Variants in CFAP20DC observed in about 807,000 individuals in gnomAD.
The protein encoded by CFAP20DC is CFAP20 domain containing, also known as protein CFAP20DC.
CFAP20DC carries 84 observed loss-of-function variants against 101.7 expected under a neutral mutation model. That is an observed-to-expected ratio of 0.83 (90% CI 0.69 to 0.99). The LOEUF (loss-of-function observed/expected upper bound fraction) is 0.99. Among genes scored for constraint, CFAP20DC ranks in the 50% least tolerant of loss-of-function variants. CFAP20DC has a pLI of 0.00. For synonymous variants in CFAP20DC, 359 were observed against 351.2 expected (o/e 1.02, Z -0.25); for missense variants, 1,007 against 970.3 (o/e 1.04, Z -0.50).
intron 15 of CFAP20DC, among the ~76,000 whole-genome samples, chr3:58,771,570 T>C (rs1480764769): frequency 6.6e-6 from 1 of 152,108 alleles, no homozygotes; most frequent in Non-Finnish European, 1.5e-5. Flanking sequence ...TAAAGACCAT[T>C]GGGAAACAGT....
At chr3:59,003,491 C>T (rs2093361728) in intron 4 of CFAP20DC, among the ~76,000 whole-genome samples, 1 of 152,142 alleles carries the variant, frequency 6.6e-6, no homozygotes, top group African/African-American at 2.4e-5. Flanking sequence ...CCTTTCTAAA[C>T]CCAAAGTCAG....
chr3:58,936,711 G>A (rs1284439430), intron 5 of CFAP20DC, among the ~76,000 whole-genome samples: 1 of 152,148 alleles, frequency 6.6e-6, no homozygotes, highest in Non-Finnish European at 1.5e-5. Context: ...CCGCACAGGT[G>A]GGAATTGAAC....
chr3:58,762,790 C>A (rs1449372053), intron 15 of CFAP20DC, among the ~76,000 whole-genome samples: 3 of 152,178 alleles, frequency 2.0e-5, no homozygotes. Context: ...TTCTCCTTCA[C>A]TTATGAAGCT....
intron 12 of CFAP20DC, among the ~76,000 whole-genome samples, chr3:58,855,952 A>T (rs111889644): frequency 0.18 from 27,091 of 150,582 alleles, 4,288 homozygotes; most frequent in African/African-American, 0.42. Context: ...AACCTGCACA[A>T]TGTGCACATG....
intron 12 of CFAP20DC, among the ~76,000 whole-genome samples, chr3:58,850,741 C>T (rs999681718): frequency 9.2e-5 from 14 of 152,252 alleles, no homozygotes; most frequent in Middle Eastern, 3.4e-3. Flanking sequence ...TCTGACAATG[C>T]GTATCTTGAC....
intron 4 of CFAP20DC, among the ~76,000 whole-genome samples, chr3:59,024,311 T>C (rs1217406304): frequency 6.6e-6 from 1 of 152,176 alleles, no homozygotes; most frequent in Non-Finnish European, 1.5e-5. Context: ...TGAAATCTAC[T>C]GATGTCTATT....
chr3:58,814,112 T>C (rs979777452), intron 14 of CFAP20DC, among the ~76,000 whole-genome samples: 2 of 151,862 alleles, frequency 1.3e-5, no homozygotes, highest in East Asian at 1.9e-4. Context: ...CCTCTGCCTA[T>C]TTATTTTTAG....
chr3:58,815,933 A>T (rs1349582836), intron 14 of CFAP20DC, among the ~76,000 whole-genome samples: 2 of 150,568 alleles, frequency 1.3e-5, no homozygotes, highest in Non-Finnish European at 2.9e-5. Flanking sequence ...TAGTTCAACC[A>T]TTGTGGAAGT....
chr3:58,968,899 G>T (rs1316481624), intron 4 of CFAP20DC, among the ~76,000 whole-genome samples: 1 of 152,128 alleles, frequency 6.6e-6, no homozygotes. Flanking sequence ...GTGTAAGGAA[G>T]GGGTTCAGCT....
Position 58,863,605 on chromosome 3 carries a change from C to A in CFAP20DC, c.1546G>T (p.Asp516Tyr), listed in dbSNP as rs2079433294. 1.9e-6 allele frequency: 3 copies of A among 1,614,054 alleles called. No individual in the cohort carries two copies. In the African/African-American group the frequency reaches 4.0e-5, roughly 22 times the overall value. ...LKEDNSVTSR[D>Y]TQSEDDFYGG... ...TAAAAATCATCCTCTGATTGGGTGT[C>A]TCTGCTTGTCACACTGTTATCCTCT... Residue 516 changes from aspartate (D) to tyrosine (Y), a missense_variant, in exon 12 of 17, where the codon GAC becomes TAC. Transcript: ENST00000482387. This position sits in a 1 kb window ranked among gnomAD's most constrained non-coding sequence, Gnocchi z 5.9.
At chr3:58,832,461 A>C (rs2076463799) in intron 13 of CFAP20DC, among the ~76,000 whole-genome samples, 1 of 152,138 alleles carries the variant, frequency 6.6e-6, no homozygotes, top group Non-Finnish European at 1.5e-5. Flanking sequence ...AAAAACTCAA[A>C]GTAGTTTTTT....
At chr3:59,019,366 A>ACGAGTTCTGG (rs1313929967) in intron 4 of CFAP20DC, among the ~76,000 whole-genome samples, 1 of 151,942 alleles carries the variant, frequency 6.6e-6, no homozygotes, top group East Asian at 1.9e-4. Flanking sequence ...CAGGTGACGC[A>ACGAGTTCTGG]CGAGTTCTGG....
At chr3:58,975,416 G>A (rs2092219005) in intron 4 of CFAP20DC, among the ~76,000 whole-genome samples, 1 of 151,908 alleles carries the variant, frequency 6.6e-6, no homozygotes, top group Admixed American at 6.6e-5. Context: ...AATAAATGTT[G>A]GCCAAATTAT....
chr3:58,908,510 G>A (rs986263829), intron 6 of CFAP20DC, among the ~76,000 whole-genome samples: 14 of 152,178 alleles, frequency 9.2e-5, no homozygotes, highest in Non-Finnish European at 1.8e-4. Flanking sequence ...CCAAATGCCG[G>A]TGAGAATGTG....
At chr3:58,766,989 A>C (rs1170385836) in intron 15 of CFAP20DC, among the ~76,000 whole-genome samples, 1 of 152,152 alleles carries the variant, frequency 6.6e-6, no homozygotes, top group Non-Finnish European at 1.5e-5. Flanking sequence ...TCTCGTTAAG[A>C]GCTCTCGTCT....
Position 58,832,701 on chromosome 3 carries a change from G to T in CFAP20DC, c.1972-812C>A, listed in dbSNP as rs765909482. Among the ~76,000 whole-genome samples, 118 of 152,152 alleles carry T rather than the reference G, an allele frequency of 7.8e-4. 1 individual carries two copies. Among genetic ancestry groups the T allele is most frequent in the Non-Finnish European group, 1.3e-4 (9 of 67,992 alleles). ...GATTTACTGTATATGTCATCTGTCA[G>T]GTACTTTTTGAAAAAGAATACTACT... On this transcript the variant is annotated intron_variant, in intron 13 of 16. Transcript: ENST00000482387.
intron 4 of CFAP20DC, among the ~76,000 whole-genome samples, chr3:59,000,449 T>C (rs142933972): frequency 1.3e-5 from 2 of 152,296 alleles, no homozygotes; most frequent in East Asian, 1.9e-4. Flanking sequence ...ACAGTAATGC[T>C]TGTGTTAATT....
intron 3 of CFAP20DC, among the ~76,000 whole-genome samples, chr3:59,043,135 G>T (rs1699542798): frequency 6.6e-6 from 1 of 152,122 alleles, no homozygotes; most frequent in Non-Finnish European, 1.5e-5. Context: ...GGAAATGTAA[G>T]CTAGAGTAAG....
At chr3:58,849,620 C>T (rs1372906974) in intron 12 of CFAP20DC, among the ~76,000 whole-genome samples, 6 of 152,052 alleles carry the variant, frequency 3.9e-5, no homozygotes, top group East Asian at 1.9e-4. Flanking sequence ...TCCTGCTATA[C>T]GGTATTTGGT....
Sources: allele counts gnomAD v4.1 joint callset (sites outside exome capture counted in the v4.1 genomes callset), GRCh38; gene constraint gnomAD v4.1.1; non-coding constraint Gnocchi (gnomAD v3.1); transcripts MANE v1.5; gene names NCBI Gene and HGNC (gene_info 2026-07-23, HGNC 2026-07-21).